SMG1: variants seen among roughly 807,000 people sequenced by gnomAD.
SMG1 encodes serine/threonine-protein kinase SMG1.
In SMG1, 22 loss-of-function variants were observed where a neutral mutation model predicts 419.9. That is an observed-to-expected ratio of 0.05 (90% CI 0.04 to 0.07). The LOEUF is 0.07. SMG1 is among the 10% of genes least tolerant of loss of function. The probability of loss-of-function intolerance (pLI) is 1.00; values close to 1 mark genes in which losing one functional copy is unlikely to be tolerated. For missense variants in SMG1, 3,185 were observed against 4,342.0 expected (o/e 0.73, Z 7.49); for synonymous variants, 1,538 against 1,553.5 (o/e 0.99, Z 0.23).
intron 62 of SMG1, among the ~76,000 whole-genome samples, chr16:18,810,015 G>A (rs926649992): frequency 3.3e-5 from 5 of 151,500 alleles, no homozygotes; most frequent in Admixed American, 3.3e-4. Context: ...AAGAGTTCAA[G>A]TCTAGGTCCT....
chr16:18,896,357 A>C, intron 2 of SMG1, 150 bp from the exon 3 acceptor site: 3 of 721,234 alleles, frequency 4.2e-6, no homozygotes, highest in Non-Finnish European at 7.4e-6. Flanking sequence ...CTTGAAAATC[A>C]TTTTGATTTC....
At chr16:18,909,646 T>C (rs1365756661) in intron 1 of SMG1, among the ~76,000 whole-genome samples, 3 of 152,228 alleles carry the variant, frequency 2.0e-5, no homozygotes, top group African/African-American at 4.8e-5. Context: ...CCAGAAGATA[T>C]GGTCTCACAA....
intron 6 of SMG1, among the ~76,000 whole-genome samples, chr16:18,889,076 G>A (rs559416429): frequency 5.3e-5 from 8 of 151,862 alleles, no homozygotes; most frequent in Admixed American, 1.3e-4. Flanking sequence ...CGCCTGCCTC[G>A]GCCTCCCAAA....
At chr16:18,892,114 A>G in intron 4 of SMG1, 104 bp downstream of exon 4, 2 of 838,432 alleles carry the variant, frequency 2.4e-6, no homozygotes, top group South Asian at 1.5e-5. Context: ...GTTCTCGATC[A>G]TCATAATACA....
chr16:18,842,180 G>GA, intron 40 of SMG1, 28 bp downstream of exon 40: 1 of 1,590,224 alleles, frequency 6.3e-7, no homozygotes, highest in Non-Finnish European at 8.6e-7. Context: ...ATACTCTTCT[G>GA]AAAAATGGAG....
intron 3 of SMG1, among the ~76,000 whole-genome samples, chr16:18,894,092 A>AATAC (rs1232668043): frequency 2.2e-5 from 3 of 138,286 alleles, no homozygotes; most frequent in East Asian, 2.0e-4. Flanking sequence ...TAAATAAATA[A>AATAC]ATACAAGGGG....
At position 18,895,953 on chromosome 16, in the gene SMG1, T is replaced by C. The variant is rs1465903167; in HGVS notation, c.412+99A>G. On this transcript the variant is annotated intron_variant, in intron 3 of 62. Transcript: ENST00000446231. The stretch of plus-strand genomic sequence containing the variant: ...TTACCTGCACAGTAGGCTAATCAAC[T>C]TATGCCTGTGCAAGGCGTTAGTAAG... 6 of 1,139,100 alleles carry C rather than the reference T, an allele frequency of 5.3e-6. No homozygotes were observed. In the South Asian group the frequency reaches 7.6e-5, roughly 15 times the overall value. The allele number at this position is 1,139,100 out of a possible 1,614,324, so 70.6% of individuals were successfully genotyped here.
chr16:18,813,740 G>A (rs2031701658), intron 60 of SMG1, among the ~76,000 whole-genome samples: 1 of 152,118 alleles, frequency 6.6e-6, no homozygotes, highest in Non-Finnish European at 1.5e-5. Flanking sequence ...CCTTGCCCAT[G>A]CCTATGTCCT....
chr16:18,880,955 C>A (rs1190680521), intron 10 of SMG1, among the ~76,000 whole-genome samples: 1 of 145,232 alleles, frequency 6.9e-6, no homozygotes, highest in African/African-American at 2.6e-5. Context: ...TGGCACCACC[C>A]CACTTTAAAA....
chr16:18,891,751 T>C (rs1267352455), intron 4 of SMG1, among the ~76,000 whole-genome samples: 9 of 152,208 alleles, frequency 5.9e-5, no homozygotes, highest in African/African-American at 2.2e-4. Context: ...AGTTCTTAAT[T>C]GGTGTAAAGA....
intron 10 of SMG1, among the ~76,000 whole-genome samples, chr16:18,880,122 A>G (rs1024636892): frequency 1.3e-5 from 2 of 152,236 alleles, no homozygotes; most frequent in African/African-American, 4.8e-5. Flanking sequence ...TTTGGGAATC[A>G]ATCTTTTAAA....
chr16:18,852,482 AATAATT>A lies in SMG1; in HGVS notation c.4769-26_4769-21del. The A allele has an allele frequency of 6.8e-7, 1 of 1,476,156 alleles. No individual in the cohort carries two copies. The highest frequency in any genetic ancestry group is 9.0e-7 in the Non-Finnish European group (1 of 1,108,372). The allele number at this position is 1,476,156 out of a possible 1,614,324, so 91.4% of individuals were successfully genotyped here. A position where few individuals can be genotyped will look rare whatever the true frequency, so the allele number is the denominator to read the frequency against. ...TATGCACTGCCAAAATGGACAAAAA[AATAATT>A]ATAATAAAAGAACTCAACAATGTTA... On this transcript the variant is annotated intron_variant, in intron 31 of 62. Transcript: ENST00000446231.
chr16:18,879,993 A>C (rs2036311730), intron 10 of SMG1, among the ~76,000 whole-genome samples: 1 of 152,196 alleles, frequency 6.6e-6, no homozygotes, highest in African/African-American at 2.4e-5. Context: ...CGTTTCTCCC[A>C]ATGTCACTAA....
intron 1 of SMG1, among the ~76,000 whole-genome samples, chr16:18,905,736 C>G (rs2037535300): frequency 6.6e-6 from 1 of 151,814 alleles, no homozygotes; most frequent in Admixed American, 6.6e-5. Context: ...CTCAGCCTCC[C>G]AAGTAGCTGA....
At position 18,871,469 on chromosome 16, in the gene SMG1, T is replaced by C. The variant is rs1378429325; in HGVS notation, c.2197A>G (p.Thr733Ala). ...LNQDTRKLLM[T>A]WALEAAVLMK... ...AAAACAGCTGCTTCCAAAGCCCAAG[T>C]CATTAACAGTTTCCTGAAACACAAA... Residue 733 changes from threonine to alanine, a missense_variant, in exon 16 of 63, where the codon ACT becomes GCT. Around this residue, in one of 27 missense-constraint regions of SMG1, gnomAD observed 297 missense variants for 491.0 expected, o/e 0.60. Coordinates refer to ENST00000446231, the MANE Select transcript of SMG1 (RefSeq NM_015092.5). 4 of 1,578,940 alleles carry C rather than the reference T, an allele frequency of 2.5e-6. No individual in the cohort carries two copies. Among genetic ancestry groups the C allele is most frequent in the Non-Finnish European group, 3.4e-6 (4 of 1,166,226 alleles).
rs1370635540 is a variant in SMG1, at chr16:18,868,646, A to G, written c.2907T>C (p.Asn969=). The G allele has an allele frequency of 1.6e-5, 26 of 1,579,240 alleles. No homozygotes were observed. Among genetic ancestry groups the G allele is most frequent in the African/African-American group, 2.7e-5 (2 of 74,482 alleles). Residue 969 remains asparagine, a synonymous_variant, in exon 21 of 63, where the codon AAT becomes AAC. Transcript: ENST00000446231. ...QDVSQWTTAD[N]DEGHGNNQLR... is the part of the protein sequence containing the mutation. ...GTTGGTTGTTACCATGGCCTTCATC[A>G]TTGTCTGCAGTTGTCCACTGACTAA...
intron 55 of SMG1, among the ~76,000 whole-genome samples, chr16:18,827,321 G>A (rs1271972949): frequency 6.6e-6 from 1 of 151,724 alleles, no homozygotes; most frequent in Non-Finnish European, 1.5e-5. Flanking sequence ...AGCTACTTCA[G>A]AGGCTGAGGC....
chr16:18,861,454 C>T (rs533063748), intron 25 of SMG1: 121 of 151,912 alleles, frequency 8.0e-4, no homozygotes, highest in African/African-American at 2.6e-3. Flanking sequence ...GACACGGGCT[C>T]TCCAGCCAGG....
rs944911219 is a variant in SMG1 at position 18,846,889 on chromosome 16, T to C, written c.5996+564A>G. Among the ~76,000 whole-genome samples the C allele has an allele frequency of 5.9e-5, 9 of 152,048 alleles. 1 individual carries two copies. The highest frequency in any genetic ancestry group is 2.2e-4 in the African/African-American group (9 of 41,402). ...AATCCACTGGATCATCCACAAAATATACATGAAATTCACAAAAAATAATAG... is the reference window on the plus strand; with the variant it reads ...AATCCACTGGATCATCCACAAAATACACATGAAATTCACAAAAAATAATAG... On this transcript the variant is annotated intron_variant, in intron 38 of 62. Coordinates refer to ENST00000446231, the MANE Select transcript of SMG1 (RefSeq NM_015092.5).
Sources: allele counts gnomAD v4.1 joint callset (sites outside exome capture counted in the v4.1 genomes callset), GRCh38; gene constraint gnomAD v4.1.1; regional missense constraint gnomAD v4.1.1; transcripts MANE v1.5; gene names NCBI Gene and HGNC (gene_info 2026-07-23, HGNC 2026-07-21).